FAM13C: variants seen among roughly 807,000 people sequenced by gnomAD.
FAM13C encodes the protein family with sequence similarity 13 member C.
A neutral mutation model predicts 73.2 loss-of-function variants in FAM13C; 37 were observed. That is an observed-to-expected ratio of 0.51 (90% CI 0.39 to 0.67). The LOEUF (loss-of-function observed/expected upper bound fraction) is 0.67. FAM13C is among the 30% of genes least tolerant of loss of function. The pLI is 0.00. For missense variants in FAM13C, 589 were observed against 715.6 expected (o/e 0.82, Z 2.02); for synonymous variants, 246 against 260.9 (o/e 0.94, Z 0.55).
At chr10:59,274,928 G>A (rs1204698168) in intron 6 of FAM13C, among the ~76,000 whole-genome samples, 1 of 152,164 alleles carries the variant, frequency 6.6e-6, no homozygotes, top group East Asian at 1.9e-4. Context: ...GGAATATTCA[G>A]AAGTGCCCTC....
At chr10:59,266,356 G>A (rs998132254) in intron 8 of FAM13C, among the ~76,000 whole-genome samples, 1 of 152,138 alleles carries the variant, frequency 6.6e-6, no homozygotes, top group Admixed American at 6.6e-5. Flanking sequence ...AAAGATATAC[G>A]TGATACATGG....
At chr10:59,287,740 A>G (rs77972751) in intron 5 of FAM13C, among the ~76,000 whole-genome samples, 5,010 of 152,318 alleles carry the variant, frequency 0.033, 118 homozygotes, top group Non-Finnish European at 0.052. Flanking sequence ...GAAATCATGG[A>G]AAGCTGGAAA....
intron 6 of FAM13C, among the ~76,000 whole-genome samples, chr10:59,280,704 C>T (rs1844827095): frequency 6.6e-6 from 1 of 152,196 alleles, no homozygotes; most frequent in African/African-American, 2.4e-5. Context: ...ATCTAGAATA[C>T]AGTGTCCCCA....
Position 59,247,137 on chromosome 10 carries a change from C to T in FAM13C, c.*477G>A, listed in dbSNP as rs1240399606. On this transcript the variant is annotated 3_prime_UTR_variant, in exon 14 of 14. Transcript: ENST00000618804. Reference sequence around the variant, plus strand: ...GTAAATGTTTTATCACTCAAAAATCCATTAGAAGTTTCAAATAAATTGCTT... The same window carrying T: ...GTAAATGTTTTATCACTCAAAAATCTATTAGAAGTTTCAAATAAATTGCTT... 1 of 157,190 alleles carries T rather than the reference C, an allele frequency of 6.4e-6. No individual in the cohort carries two copies. Among genetic ancestry groups the T allele is most frequent in the Non-Finnish European group, 1.4e-5 (1 of 71,580 alleles). 9.7% of individuals were successfully genotyped at this position (157,190 alleles called of 1,614,324 possible).
In FAM13C at chr10:59,352,314, A is replaced by ACTTGGG; in HGVS notation, c.274_279dup (p.Pro92_Lys93dup). 6.2e-7 allele frequency: 1 copy of ACTTGGG among 1,614,150 alleles called. No individual in the cohort carries two copies. The highest frequency in any genetic ancestry group is 8.5e-7 in the Non-Finnish European group (1 of 1,180,028). The stretch of plus-strand genomic sequence containing the variant: ...CTCCCGCTCTCCGCTTTGAAGATGG[A>ACTTGGG]CTTGGGCTTCCTGGACTTGAAGTTG... On this transcript the variant is annotated inframe_insertion, in exon 3 of 14. Coordinates refer to ENST00000618804, the MANE Select transcript of FAM13C (RefSeq NM_198215.4).
chr10:59,352,465 G>T lies in FAM13C; in HGVS notation c.129C>A (p.Asn43Lys). 6.2e-6 allele frequency: 10 copies of T among 1,605,844 alleles called. No homozygotes were observed. The highest frequency in any genetic ancestry group is 8.5e-6 in the Non-Finnish European group (10 of 1,176,798). Reference sequence around the variant, plus strand: ...CTGCGTCGGGGTAGTTCTCTTTATTGTTTTCATCTCTAAAACAGGAAAGAC... The same window carrying T: ...CTGCGTCGGGGTAGTTCTCTTTATTTTTTTCATCTCTAAAACAGGAAAGAC... ...QTDCSSLRDENNKENYPDAGA... is the reference protein window; with the variant it reads ...QTDCSSLRDEKNKENYPDAGA... The change falls in exon 3 of 14, where the codon AAC becomes AAA. Residue 43 changes from asparagine (N) to lysine (K), a missense_variant. Asn to Lys is a moderately conservative substitution (Grantham distance 94). Transcript: ENST00000618804.
chr10:59,280,318 C>T (rs150232435), intron 6 of FAM13C, among the ~76,000 whole-genome samples: 85 of 152,286 alleles, frequency 5.6e-4, no homozygotes, highest in African/African-American at 1.9e-3. Context: ...ATCAATTTTT[C>T]CCTAAGGGCC....
intron 6 of FAM13C, among the ~76,000 whole-genome samples, chr10:59,272,018 A>G (rs761647122): frequency 2.0e-5 from 3 of 152,212 alleles, no homozygotes; most frequent in Non-Finnish European, 2.9e-5. Context: ...ATGACTGTGA[A>G]GCAGTGCCAG....
chr10:59,330,083 C>T (rs921297618), intron 3 of FAM13C, among the ~76,000 whole-genome samples: 1 of 152,184 alleles, frequency 6.6e-6, no homozygotes, highest in African/African-American at 2.4e-5. Flanking sequence ...AAAATCAATA[C>T]AGCTTATAAT....
At chr10:59,277,714 G>A (rs1016626846) in intron 6 of FAM13C, among the ~76,000 whole-genome samples, 7 of 152,078 alleles carry the variant, frequency 4.6e-5, no homozygotes, top group Non-Finnish European at 8.8e-5. Context: ...TACAAAATAC[G>A]TTAATTATAT....
At chr10:59,311,158 T>C (rs1324688145) in intron 4 of FAM13C, among the ~76,000 whole-genome samples, 1 of 152,164 alleles carries the variant, frequency 6.6e-6, no homozygotes, top group Non-Finnish European at 1.5e-5. Flanking sequence ...CTTCTCACTT[T>C]GGTGAGCTGG....
At chr10:59,352,686 A>G (rs910627751) in intron 2 of FAM13C, among the ~76,000 whole-genome samples, 11 of 152,230 alleles carry the variant, frequency 7.2e-5, no homozygotes, top group African/African-American at 2.4e-4. Flanking sequence ...GATCTTTGTT[A>G]ATGAATACAT....
At chr10:59,325,121 A>G (rs1850915354) in intron 3 of FAM13C, among the ~76,000 whole-genome samples, 1 of 152,206 alleles carries the variant, frequency 6.6e-6, no homozygotes, top group Admixed American at 6.5e-5. Context: ...CCAGGTGGCT[A>G]CCATCATACA....
At chr10:59,345,484 T>A (rs1183310128) in intron 3 of FAM13C, among the ~76,000 whole-genome samples, 1 of 152,244 alleles carries the variant, frequency 6.6e-6, no homozygotes, top group Non-Finnish European at 1.5e-5. Flanking sequence ...AAGCTGAATA[T>A]ATTTGTATAT....
intron 6 of FAM13C, among the ~76,000 whole-genome samples, chr10:59,275,504 A>G (rs1240319997): frequency 6.6e-6 from 1 of 152,208 alleles, no homozygotes; most frequent in Non-Finnish European, 1.5e-5. Flanking sequence ...AAGAACCCAA[A>G]GAAAGGTATT....
At chr10:59,293,700 T>C (rs1846560832) in intron 5 of FAM13C, among the ~76,000 whole-genome samples, 1 of 152,162 alleles carries the variant, frequency 6.6e-6, no homozygotes, top group Non-Finnish European at 1.5e-5. Flanking sequence ...AGACAATAGG[T>C]GCCAAGGCTA....
At chr10:59,295,281 G>A (rs548159577) in intron 5 of FAM13C, among the ~76,000 whole-genome samples, 12 of 152,342 alleles carry the variant, frequency 7.9e-5, no homozygotes, top group African/African-American at 2.9e-4. Context: ...GCTGAGCCTG[G>A]ACCAATCGGG....
intron 5 of FAM13C, among the ~76,000 whole-genome samples, chr10:59,298,118 T>C (rs1436664021): frequency 6.6e-6 from 1 of 152,242 alleles, no homozygotes; most frequent in African/African-American, 2.4e-5. Flanking sequence ...CATGAGAAGA[T>C]TGTTTTATTT....
At chr10:59,336,607 AAT>A (rs1257519796) in intron 3 of FAM13C, among the ~76,000 whole-genome samples, 1 of 152,212 alleles carries the variant, frequency 6.6e-6, no homozygotes, top group Non-Finnish European at 1.5e-5. Flanking sequence ...TGGAAAAACA[AAT>A]AGTGGCCTTT....
Sources: allele counts gnomAD v4.1 joint callset (sites outside exome capture counted in the v4.1 genomes callset), GRCh38; gene constraint gnomAD v4.1.1; transcripts MANE v1.5; gene names NCBI Gene and HGNC (gene_info 2026-07-23, HGNC 2026-07-21).